MYO15B: variants seen among roughly 807,000 people sequenced by gnomAD.
The protein encoded by MYO15B is myosin XVB pseudogene.
In MYO15B, 207 loss-of-function variants were observed where a neutral mutation model predicts 119.3. The ratio of observed to expected loss-of-function variants is 1.73; its 90% confidence interval spans 1.55 to 1.95. The LOEUF (loss-of-function observed/expected upper bound fraction) is 1.95, where lower values mean the gene tolerates loss of function less well. Among genes scored for constraint, MYO15B ranks in the 30% most tolerant of loss-of-function variants. MYO15B has a pLI of 0.00. For synonymous variants in MYO15B, 966 were observed against 498.9 expected, an observed-to-expected ratio of 1.94 and a Z score of -12.48; for missense variants, 2,264 against 1,203.1, an observed-to-expected ratio of 1.88 and a Z score of -13.04.
intron 42 of MYO15B, 59 bp from the exon 43 acceptor site, chr17:75,618,067 G>C (rs1416694845): frequency 2.9e-6 from 2 of 700,114 alleles, no homozygotes; most frequent in Non-Finnish European, 5.2e-6. Context: ...GGAGGGCAGA[G>C]GCTTGCTGGG....
chr17:75,624,550 CAGA>C, exon 58 of MYO15B: 1 of 703,078 alleles, frequency 1.4e-6, no homozygotes, highest in South Asian at 1.5e-5. Context: ...CAGGTAGCAG[CAGA>C]AGTGCAGGAG....
chr17:75,604,640 T>C (rs1312271275), intron 19 of MYO15B, among the ~76,000 whole-genome samples: 1 of 148,622 alleles, frequency 6.7e-6, no homozygotes, highest in African/African-American at 2.5e-5. Flanking sequence ...GTTGCTCCCG[T>C]GGCCCAGAAC....
exon 1 of MYO15B, chr17:75,588,237 G>A: frequency 2.5e-6 from 1 of 398,196 alleles, no homozygotes. Context: ...CCGGGGGCCA[G>A]GGAACCCCTG....
In MYO15B at chr17:75,609,738, G is replaced by C. The variant is rs1327748553; in HGVS notation, c.4293-428G>C. 3.0e-5 allele frequency among the ~76,000 whole-genome samples: 4 copies of C among 134,526 alleles called. No homozygotes were observed. The South Asian group carries it at 1.1e-3, about 38-fold the overall frequency. 88.3% of individuals were successfully genotyped at this position (134,526 alleles called of 152,430 possible). On this transcript the variant is annotated intron_variant, in intron 21 of 63. Coordinates refer to ENST00000645453, the Ensembl canonical transcript of MYO15B. ...TCCCTCCCTTCCTGATGGAGTCTTG[G>C]TCTGTCACCCAGGCTGGAGTGCAAT...
At chr17:75,612,329 C>T (rs2058079411) in intron 25 of MYO15B, among the ~76,000 whole-genome samples, 1 of 152,122 alleles carries the variant, frequency 6.6e-6, no homozygotes, top group South Asian at 2.1e-4. Context: ...TGTTTATTGA[C>T]AAGGGAAATT....
intron 43 of MYO15B, 27 bp from the exon 44 acceptor site, chr17:75,619,116 G>A: frequency 1.4e-6 from 1 of 702,792 alleles, no homozygotes; most frequent in South Asian, 1.5e-5. Context: ...TCAGGACCTG[G>A]TGGTGACCAC....
Position 75,589,650 on chromosome 17 carries a change from T to G in MYO15B, c.1593T>G (p.Pro531=). 2.5e-6 allele frequency: 1 copy of G among 398,924 alleles called. No individual in the cohort carries two copies. Among genetic ancestry groups the G allele is most frequent in the Non-Finnish European group, 4.4e-6 (1 of 226,052 alleles). 24.7% of individuals were successfully genotyped at this position (398,924 alleles called of 1,614,324 possible). The change falls in exon 1 of 64, where the codon CCT becomes CCG. Residue 531 remains proline, a synonymous_variant. Coordinates refer to ENST00000645453, the Ensembl canonical transcript of MYO15B. The surrounding 1 kb of genome is among the most constrained non-coding windows in gnomAD (Gnocchi z 4.2). ...CGACAAGCCCAGTCCCCGGCGACCC[T>G]TTTGATCAGGAGGACGAGACTCCAG...
At chr17:75,601,334 C>A (rs1296080981) in intron 14 of MYO15B, 104 bp from the exon 15 acceptor site, 3 of 614,992 alleles carry the variant, frequency 4.9e-6, no homozygotes, top group African/African-American at 3.7e-5. Flanking sequence ...CCAAACCTAC[C>A]CTTATAGTCA....
At position 75,611,855 on chromosome 17, in the gene MYO15B, T is replaced by C. The variant is rs535518563; in HGVS notation, c.4505-31T>C. ...AGGGCCAGGTACCACACCTGGATGC[T>C]CCTGGGCTGCCTCCCGGTGCTTGTT... On this transcript the variant is annotated intron_variant, in intron 24 of 63. Transcript: ENST00000645453. 107 of 702,554 alleles carry C rather than the reference T, an allele frequency of 1.5e-4. No homozygotes were observed. In the African/African-American group the frequency reaches 1.8e-3, roughly 12 times the overall value. The allele number at this position is 702,554 out of a possible 1,614,324, so 43.5% of individuals were successfully genotyped here.
At chr17:75,611,682 G>A (rs1288953840) in intron 24 of MYO15B, 24 bp downstream of exon 24, 1 of 702,616 alleles carries the variant, frequency 1.4e-6, no homozygotes, top group African/African-American at 1.7e-5. Context: ...GTGTCCTCTT[G>A]TTAGGACTCC....
At position 75,596,752 on chromosome 17, in the gene MYO15B, T is replaced by C. The variant is rs771729501; in HGVS notation, c.3394-16T>C. On this transcript the variant is annotated splice_polypyrimidine_tract_variant and intron_variant, in intron 13 of 63. Coordinates refer to ENST00000645453, the Ensembl canonical transcript of MYO15B. ...TCCCTGCTCCTGCAAAATGGCCAAA[T>C]GCCGGCTGTTCCCAGGAGGAGTGTC... 4 of 694,312 alleles carry C rather than the reference T, an allele frequency of 5.8e-6. No homozygotes were observed. The South Asian group carries it at 6.0e-5, about 10-fold the overall frequency. The allele number at this position is 694,312 out of a possible 1,614,324, so 43.0% of individuals were successfully genotyped here.
intron 19 of MYO15B, 131 bp downstream of exon 19, chr17:75,603,443 C>T: frequency 1.6e-6 from 1 of 612,092 alleles, no homozygotes. Flanking sequence ...CCCTCCCTCT[C>T]TCTCCTCGTC....
At chr17:75,602,023 G>C (rs78836632) in intron 15 of MYO15B, among the ~76,000 whole-genome samples, 2 of 151,984 alleles carry the variant, frequency 1.3e-5, no homozygotes, top group Admixed American at 1.3e-4. Flanking sequence ...AGCTGCACGC[G>C]TGCCTACCCC....
At chr17:75,591,756 C>CT in intron 5 of MYO15B, 44 bp downstream of exon 5, 1 of 702,666 alleles carries the variant, frequency 1.4e-6, no homozygotes, top group Non-Finnish European at 2.6e-6. Context: ...AGCTGGCCGT[C>CT]TGTCTTCCTC....
exon 35 of MYO15B, chr17:75,615,533 C>T (rs1455133324): frequency 2.9e-6 from 2 of 700,778 alleles, no homozygotes; most frequent in South Asian, 3.0e-5. Context: ...CCACCGCTTC[C>T]CAGCCTGGAT....
At chr17:75,610,236 C>T (rs1290670258) in exon 22 of MYO15B, 8 of 700,978 alleles carry the variant, frequency 1.1e-5, no homozygotes, top group Middle Eastern at 2.4e-4. Flanking sequence ...CCAGCCCCTG[C>T]TCCAGAGGCG....
At chr17:75,605,867 C>T (rs1220886783) in exon 21 of MYO15B, 3 of 693,810 alleles carry the variant, frequency 4.3e-6, no homozygotes. Context: ...CCCACAGGTC[C>T]TGCTGCAGGA....
intron 34 of MYO15B, 69 bp from the exon 35 acceptor site, chr17:75,615,434 G>T (rs2058307622): frequency 3.0e-6 from 2 of 674,874 alleles, no homozygotes; most frequent in South Asian, 3.1e-5. Context: ...AGTCCCGAGT[G>T]CACAGTGGGC....
intron 9 of MYO15B, 151 bp downstream of exon 9, chr17:75,592,991 C>T (rs1203623983): frequency 8.6e-6 from 5 of 578,906 alleles, no homozygotes; most frequent in Non-Finnish European, 1.5e-5. Context: ...GATGAGAAAG[C>T]TGAGACATAG....
Sources: gnomAD v4.1 joint callset for allele counts (sites outside exome capture counted in the v4.1 genomes callset) on GRCh38, gnomAD v4.1.1 for gene constraint, Gnocchi (gnomAD v3.1) non-coding constraint, MANE v1.5 for transcripts, NCBI Gene and HGNC (gene_info 2026-07-23, HGNC 2026-07-21) for gene names.